Variants in DPP10 observed in about 807,000 individuals in gnomAD.
DPP10 encodes the protein dipeptidyl peptidase like 10.
A neutral mutation model predicts 120.9 loss-of-function variants in DPP10; 33 were observed. That is an observed-to-expected ratio of 0.27 (90% confidence interval 0.21 to 0.37). DPP10 has a LOEUF of 0.37. DPP10 is among the 10% of genes least tolerant of loss of function. The pLI, the probability that DPP10 is intolerant of heterozygous loss-of-function variation, is 1.00. For synonymous variants in DPP10, 337 were observed against 326.1 expected (o/e 1.03, Z -0.36); for missense variants, 816 against 942.8 (o/e 0.87, Z 1.76).
At chr2:115,303,165 AT>A (rs546792716) in intron 1 of DPP10, among the ~76,000 whole-genome samples, 2 of 151,820 alleles carry the variant, frequency 1.3e-5, no homozygotes, top group African/African-American at 4.8e-5. Context: ...TTTTTGTGGT[AT>A]TTTTTTCAGA....
At chr2:115,615,157 A>T (rs1159714710) in intron 5 of DPP10, among the ~76,000 whole-genome samples, 1 of 152,136 alleles carries the variant, frequency 6.6e-6, no homozygotes, top group Non-Finnish European at 1.5e-5. Flanking sequence ...AGAGGAAAAA[A>T]AAAAGCTTGA....
chr2:115,161,857 C>T, intron 1 of DPP10: 2 of 1,221,922 alleles, frequency 1.6e-6, no homozygotes, highest in Non-Finnish European at 2.1e-6. Flanking sequence ...CCGCCGATTC[C>T]GGGAGCGACG....
chr2:115,071,102 C>T (rs139478912), intron 1 of DPP10, among the ~76,000 whole-genome samples: 1 of 152,130 alleles, frequency 6.6e-6, no homozygotes, highest in Non-Finnish European at 1.5e-5. Flanking sequence ...TGACTGCTTG[C>T]CAATTAAACA....
intron 21 of DPP10, among the ~76,000 whole-genome samples, chr2:115,826,592 G>A (rs548339505): frequency 6.6e-6 from 1 of 152,236 alleles, no homozygotes; most frequent in East Asian, 1.9e-4. Context: ...ATGATGGTAA[G>A]CACCTGTAAT....
chr2:115,773,402 C>T (rs569624095), intron 13 of DPP10, among the ~76,000 whole-genome samples: 1 of 152,058 alleles, frequency 6.6e-6, no homozygotes, highest in African/African-American at 2.4e-5. Context: ...GGTCACTTGT[C>T]TGGTGTCTAA....
At chr2:115,409,320 G>T (rs1363531197) in intron 3 of DPP10, among the ~76,000 whole-genome samples, 1 of 152,008 alleles carries the variant, frequency 6.6e-6, no homozygotes, top group Admixed American at 6.6e-5. Flanking sequence ...ATTATTAGGA[G>T]ACAAATGTGT....
intron 3 of DPP10, among the ~76,000 whole-genome samples, chr2:115,456,721 A>G (rs1262979680): frequency 6.6e-6 from 1 of 152,132 alleles, no homozygotes; most frequent in East Asian, 1.9e-4. Context: ...CAGAAAACCA[A>G]ACACCACATG....
At chr2:115,506,703 T>C (rs2076959497) in intron 4 of DPP10, among the ~76,000 whole-genome samples, 1 of 152,146 alleles carries the variant, frequency 6.6e-6, no homozygotes, top group Non-Finnish European at 1.5e-5. Context: ...ACAGATAGAA[T>C]AGATATCTAT....
intron 1 of DPP10, among the ~76,000 whole-genome samples, chr2:115,273,037 G>C (rs543740455): frequency 1.4e-5 from 2 of 147,572 alleles, no homozygotes; most frequent in African/African-American, 5.2e-5. Flanking sequence ...TTTTTTTTTT[G>C]AATTTTATGT....
rs140511788 is a variant in DPP10 at position 114,884,561 on chromosome 2, G to GT, written c.61-424671dup. The stretch of plus-strand genomic sequence containing the variant: ...CTCTGTCTCCCCCTTCCACGTTTAT[G>GT]TTTTTTTATTTCAATAGGTTTTCGA... On this transcript the variant is annotated intron_variant, in intron 1 of 25. Coordinates refer to ENST00000410059, the MANE Select transcript of DPP10 (RefSeq NM_020868.6). Among the ~76,000 whole-genome samples the GT allele has an allele frequency of 3.8e-3, 578 of 152,052 alleles. 1 individual carries two copies. The highest frequency in any genetic ancestry group is 0.014 in the African/African-American group (565 of 41,486).
At chr2:114,516,380 C>A (rs1684596703) in intron 1 of DPP10, among the ~76,000 whole-genome samples, 1 of 152,162 alleles carries the variant, frequency 6.6e-6, no homozygotes, top group Non-Finnish European at 1.5e-5. Context: ...ATTCTTCCAG[C>A]CAGCTCTTGC....
intron 3 of DPP10, among the ~76,000 whole-genome samples, chr2:115,407,465 C>G (rs1222882758): frequency 6.6e-6 from 1 of 152,136 alleles, no homozygotes; most frequent in African/African-American, 2.4e-5. Flanking sequence ...CCCTCAGAGG[C>G]CAATCTAAGC....
At chr2:114,810,494 C>T (rs991525234) in intron 1 of DPP10, among the ~76,000 whole-genome samples, 1 of 152,146 alleles carries the variant, frequency 6.6e-6, no homozygotes, top group Non-Finnish European at 1.5e-5. Context: ...AATTTGCAAG[C>T]CACTGACTTA....
rs145680948 is a variant in DPP10, at chr2:114,518,108, C to G, written c.60+75270C>G. Among the ~76,000 whole-genome samples the G allele has an allele frequency of 9.1e-3, 1,051 of 116,004 alleles. 17 individuals carry two copies. The highest frequency in any genetic ancestry group is 0.033 in the African/African-American group (998 of 30,386). 76.1% of individuals were successfully genotyped at this position (116,004 alleles called of 152,430 possible). A position where few individuals can be genotyped will look rare whatever the true frequency, so the allele number is the denominator to read the frequency against. The stretch of plus-strand genomic sequence containing the variant: ...TTTTTTTTTTTTTTTAGATAGAGTC[C>G]TGCTCTATCACCCAGGCTGGAATGC... On this transcript the variant is annotated intron_variant, in intron 1 of 25. Transcript: ENST00000410059.
chr2:115,452,268 G>T (rs532615853), intron 3 of DPP10, among the ~76,000 whole-genome samples: 3 of 151,906 alleles, frequency 2.0e-5, no homozygotes, highest in Non-Finnish European at 2.9e-5. Flanking sequence ...ATTGAGAAAG[G>T]CAGGAAAATG....
chr2:114,961,019 A>G (rs1435977835), intron 1 of DPP10, among the ~76,000 whole-genome samples: 2 of 139,598 alleles, frequency 1.4e-5, no homozygotes, highest in Admixed American at 7.4e-5. Flanking sequence ...ATAATTCTCT[A>G]CATCTCTATA....
chr2:115,518,237 A>G (rs368631040), intron 4 of DPP10, among the ~76,000 whole-genome samples: 17 of 152,356 alleles, frequency 1.1e-4, no homozygotes, highest in African/African-American at 4.1e-4. Context: ...GGAGTCAAAC[A>G]TCGAAACTGT....
chr2:115,739,389 G>A (rs924694291), intron 8 of DPP10, among the ~76,000 whole-genome samples: 3 of 151,924 alleles, frequency 2.0e-5, no homozygotes, highest in African/African-American at 4.8e-5. Context: ...ATGATTACAT[G>A]CAAATGTGAA....
chr2:114,846,225 C>T (rs565990372), intron 1 of DPP10, among the ~76,000 whole-genome samples: 1 of 152,076 alleles, frequency 6.6e-6, no homozygotes, highest in Non-Finnish European at 1.5e-5. Context: ...AGCTAAGAAC[C>T]CAGTTTCACA....
Sources: gnomAD v4.1 joint callset for allele counts (sites outside exome capture counted in the v4.1 genomes callset) on GRCh38, gnomAD v4.1.1 for gene constraint, MANE v1.5 for transcripts, NCBI Gene and HGNC (gene_info 2026-07-23, HGNC 2026-07-21) for gene names.